TRDN: variants seen among roughly 807,000 people sequenced by gnomAD.
TRDN encodes triadin, also known as triadin in skeletal muscle.
In TRDN, 161 loss-of-function variants were observed where a neutral mutation model predicts 149.7. The observed-to-expected ratio is 1.08, with a 90% CI of 0.95 to 1.23. The LOEUF is 1.23. Ranked by LOEUF, TRDN falls within the 50% of genes most tolerant of loss-of-function variation. TRDN has a pLI of 0.00. For synonymous variants in TRDN, 294 were observed against 250.5 expected (o/e 1.17, Z -1.64); for missense variants, 896 against 823.5 (o/e 1.09, Z -1.08).
At chr6:123,517,474 GCCT>G (rs950141417) in intron 5 of TRDN, among the ~76,000 whole-genome samples, 6 of 151,770 alleles carry the variant, frequency 4.0e-5, no homozygotes, top group Admixed American at 1.3e-4. Flanking sequence ...AAATATTAGT[GCCT>G]CCTCACTGCT....
intron 8 of TRDN, among the ~76,000 whole-genome samples, chr6:123,500,757 T>A (rs1296592848): frequency 6.6e-6 from 1 of 152,126 alleles, no homozygotes; most frequent in Non-Finnish European, 1.5e-5. Context: ...GGGTGCAGAA[T>A]GTCAAGAACA....
chr6:123,343,753 T>A (rs979569901), intron 21 of TRDN, among the ~76,000 whole-genome samples: 3 of 151,866 alleles, frequency 2.0e-5, no homozygotes, highest in African/African-American at 7.2e-5. Flanking sequence ...ATAAAAAAAA[T>A]TAATAGACCT....
Position 123,272,957 on chromosome 6 carries a change from A to G in TRDN, c.1672+7T>C. The G allele has an allele frequency of 6.5e-7, 1 of 1,527,244 alleles. No homozygotes were observed. The highest frequency in any genetic ancestry group is 1.3e-5 in the South Asian group (1 of 79,806). 94.6% of individuals were successfully genotyped at this position (1,527,244 alleles called of 1,614,324 possible). On this transcript the variant is annotated splice_region_variant and intron_variant, in intron 29 of 40. Coordinates refer to ENST00000334268, the MANE Select transcript of TRDN (RefSeq NM_006073.4). ...ATTTGAGACTACAAATACCACCTGC[A>G]AAATACCTGGTTTACCATGAGAAAC...
At chr6:123,575,337 G>A (rs530464689) in intron 1 of TRDN, among the ~76,000 whole-genome samples, 1 of 152,090 alleles carries the variant, frequency 6.6e-6, no homozygotes, top group East Asian at 1.9e-4. Context: ...AGAGCCAAGA[G>A]GAATAAAATT....
chr6:123,246,952 G>T (rs540448950), intron 38 of TRDN, among the ~76,000 whole-genome samples: 1 of 152,028 alleles, frequency 6.6e-6, no homozygotes, highest in Non-Finnish European at 1.5e-5. Flanking sequence ...TTCAACATGT[G>T]CAAATTAATA....
chr6:123,587,938 T>C (rs9490822), intron 1 of TRDN, among the ~76,000 whole-genome samples: 73,210 of 151,904 alleles, frequency 0.48, 17,833 homozygotes, highest in East Asian at 0.58. Context: ...AGGCAGGAAC[T>C]GTCGATCTGG....
intron 2 of TRDN, among the ~76,000 whole-genome samples, chr6:123,551,450 A>G (rs1319133612): frequency 6.6e-6 from 1 of 151,638 alleles, no homozygotes; most frequent in Non-Finnish European, 1.5e-5. Context: ...AATCCAGATC[A>G]TATCAATGGA....
chr6:123,409,351 G>A (rs1172722050), intron 12 of TRDN, among the ~76,000 whole-genome samples: 1 of 152,124 alleles, frequency 6.6e-6, no homozygotes, highest in East Asian at 1.9e-4. Context: ...AAAGCAATAT[G>A]GATTAGTGAA....
At chr6:123,403,839 G>A (rs570754568) in intron 12 of TRDN, among the ~76,000 whole-genome samples, 2 of 152,034 alleles carry the variant, frequency 1.3e-5, no homozygotes, top group African/African-American at 2.4e-5. Context: ...CAGGAGAAAA[G>A]AGGAATTGAA....
At chr6:123,408,833 C>T (rs569381345) in intron 12 of TRDN, among the ~76,000 whole-genome samples, 78 of 152,216 alleles carry the variant, frequency 5.1e-4, no homozygotes, top group Non-Finnish European at 8.4e-4. Context: ...AATCATTTTA[C>T]GAGTGATATA....
At chr6:123,234,900 G>T (rs1246410024) in intron 38 of TRDN, among the ~76,000 whole-genome samples, 1 of 152,122 alleles carries the variant, frequency 6.6e-6, no homozygotes, top group Non-Finnish European at 1.5e-5. Flanking sequence ...TGTGCAAGGA[G>T]CAAAATGGGG....
At chr6:123,586,945 A>G (rs1783522445) in intron 1 of TRDN, among the ~76,000 whole-genome samples, 1 of 152,024 alleles carries the variant, frequency 6.6e-6, no homozygotes, top group African/African-American at 2.4e-5. Context: ...GGATTGGGGT[A>G]CAGCGATATA....
At chr6:123,421,947 C>G (rs6932069) in intron 12 of TRDN, among the ~76,000 whole-genome samples, 1 of 151,668 alleles carries the variant, frequency 6.6e-6, no homozygotes, top group South Asian at 2.1e-4. Flanking sequence ...GCACTTCAGC[C>G]TACAGAGAAA....
intron 8 of TRDN, chr6:123,502,799 G>A (rs1778753825): frequency 1.0e-6 from 1 of 985,108 alleles, no homozygotes; most frequent in African/African-American, 1.7e-5. Flanking sequence ...ATTTGGTTTT[G>A]CAATGTCTCC....
At chr6:123,590,771 T>A (rs971554345) in intron 1 of TRDN, among the ~76,000 whole-genome samples, 1 of 151,656 alleles carries the variant, frequency 6.6e-6, no homozygotes, top group African/African-American at 2.4e-5. Context: ...TCAAAAAAAA[T>A]AATAATGATA....
At chr6:123,437,368 T>C (rs1774622758) in intron 12 of TRDN, 1 of 325,600 alleles carries the variant, frequency 3.1e-6, no homozygotes, top group East Asian at 8.4e-5. Flanking sequence ...TTCTCTACTT[T>C]ATTGAGATAC....
intron 12 of TRDN, among the ~76,000 whole-genome samples, chr6:123,410,283 T>C (rs1190884923): frequency 6.6e-6 from 1 of 152,106 alleles, no homozygotes. Context: ...ATATAAGAGA[T>C]CAAATTGGTA....
Position 123,499,719 on chromosome 6 carries a change from A to AAAAAAAAAAAAAAT in TRDN, c.794-2468_794-2467insATTTTTTTTTTTTT. Reference sequence around the variant, plus strand: ...ATTCTGGCTCAAAAAAAAAAAAAAAAATATATATATATATATATATATATA... The same window carrying AAAAAAAAAAAAAAT: ...ATTCTGGCTCAAAAAAAAAAAAAAAAAAAAAAAAAAAAATATATATATATATATATATATATATA... On this transcript the variant is annotated intron_variant, in intron 8 of 40. Transcript: ENST00000334268. Among the ~76,000 whole-genome samples the AAAAAAAAAAAAAAT allele has an allele frequency of 3.1e-3, 149 of 47,640 alleles. 4 individuals carry two copies. The highest frequency in any genetic ancestry group is 4.9e-3 in the Non-Finnish European group (109 of 22,270). The allele number at this position is 47,640 out of a possible 152,430, so 31.3% of individuals were successfully genotyped here.
intron 2 of TRDN, among the ~76,000 whole-genome samples, chr6:123,569,806 T>C (rs1442664214): frequency 1.3e-5 from 2 of 152,060 alleles, no homozygotes; most frequent in Non-Finnish European, 2.9e-5. Context: ...GCCAAACCAC[T>C]CACTAAAAAA....
Sources: gnomAD v4.1 joint callset for allele counts (sites outside exome capture counted in the v4.1 genomes callset) on GRCh38, gnomAD v4.1.1 for gene constraint, MANE v1.5 for transcripts, NCBI Gene and HGNC (gene_info 2026-07-23, HGNC 2026-07-21) for gene names.